The following LRRC31 variants were observed in gnomAD, a reference collection of about 807,000 sequenced individuals.
LRRC31 encodes leucine-rich repeat-containing protein 31.
LRRC31 carries 35 observed loss-of-function variants against 46.7 expected under a neutral mutation model. That is an observed-to-expected ratio of 0.75 (90% CI 0.57 to 0.99). The LOEUF is 0.99. Among genes scored for constraint, LRRC31 ranks in the 50% least tolerant of loss-of-function variants. LRRC31 has a pLI of 0.00. For synonymous variants in LRRC31, 236 were observed against 235.1 expected (o/e 1.00, Z -0.03); for missense variants, 613 against 626.1 (o/e 0.98, Z 0.22).
At chr3:169,857,317 C>CATATATATATATATAT (rs1560629829) in intron 3 of LRRC31, among the ~76,000 whole-genome samples, 10 of 55,586 alleles carry the variant, frequency 1.8e-4, no homozygotes, top group East Asian at 1.2e-3. Context: ...ATATCACATG[C>CATATATATATATATAT]CTATATATAT....
chr3:169,839,971 G>T lies in LRRC31; in HGVS notation c.*11C>A. On this transcript the variant is annotated 3_prime_UTR_variant, in exon 9 of 9. Transcript: ENST00000316428. The stretch of plus-strand genomic sequence containing the variant: ...AATGGTTTGTAGCTTAGTAGGACAT[G>T]GGAAATCAGTTTACTGAAACCCACC... The T allele has an allele frequency of 6.3e-7, 1 of 1,592,918 alleles. No individual in the cohort carries two copies.
chr3:169,857,102 T>C (rs1346181183), intron 3 of LRRC31, among the ~76,000 whole-genome samples: 1 of 151,844 alleles, frequency 6.6e-6, no homozygotes, highest in African/African-American at 2.4e-5. Context: ...TCTGAAGCCA[T>C]GCGTATGAGC....
At chr3:169,862,635 C>A (rs891591793) in intron 1 of LRRC31, among the ~76,000 whole-genome samples, 13 of 152,044 alleles carry the variant, frequency 8.6e-5, no homozygotes, top group African/African-American at 3.1e-4. Flanking sequence ...GTGGTGCACA[C>A]CTGTAGTCCC....
chr3:169,851,908 C>T, intron 6 of LRRC31, 122 bp from the exon 7 acceptor site: 1 of 950,674 alleles, frequency 1.1e-6, no homozygotes, highest in Non-Finnish European at 1.6e-6. Flanking sequence ...CCCGGCCCTC[C>T]CTCCTTTATA....
chr3:169,849,608 C>A (rs1458289840), intron 7 of LRRC31, among the ~76,000 whole-genome samples: 2 of 152,208 alleles, frequency 1.3e-5, no homozygotes, highest in African/African-American at 2.4e-5. Context: ...GAGTTCAAGG[C>A]TACAGTGAGC....
At chr3:169,842,299 A>G (rs1267798804) in intron 8 of LRRC31, among the ~76,000 whole-genome samples, 3 of 152,190 alleles carry the variant, frequency 2.0e-5, no homozygotes, top group Admixed American at 6.5e-5. Flanking sequence ...GAAAAAATAT[A>G]AAAGTGACAA....
rs892930824 is a variant in LRRC31, at chr3:169,852,905, G to A, written c.992-1119C>T. ...TTCCCTCACTAAAGGCAAGCTCTGC[G>A]TTATAGGAACTATCTCACTCCCAGA... On this transcript the variant is annotated intron_variant, in intron 6 of 8. Transcript: ENST00000316428. Among the ~76,000 whole-genome samples, 11 of 152,274 alleles carry A rather than the reference G, an allele frequency of 7.2e-5. 1 individual carries two copies. Among genetic ancestry groups the A allele is most frequent in the South Asian group, 4.1e-4 (2 of 4,832 alleles).
At chr3:169,858,857 T>A (rs1381367511) in intron 3 of LRRC31, among the ~76,000 whole-genome samples, 1 of 151,772 alleles carries the variant, frequency 6.6e-6, no homozygotes, top group Non-Finnish European at 1.5e-5. Flanking sequence ...TACAAAAAAA[T>A]TAGCCAGGCA....
intron 6 of LRRC31, among the ~76,000 whole-genome samples, chr3:169,852,641 C>G (rs1348837391): frequency 6.6e-6 from 1 of 152,082 alleles, no homozygotes; most frequent in African/African-American, 2.4e-5. Context: ...CCTGAGGGGC[C>G]CAGCTAGGAA....
At chr3:169,869,488 C>T (rs1251943690) in intron 1 of LRRC31, 145 bp downstream of exon 1, 2 of 531,760 alleles carry the variant, frequency 3.8e-6, no homozygotes, top group African/African-American at 2.0e-5. Context: ...TTAGGCATTG[C>T]ATGCCTGTAT....
At chr3:169,856,897 C>T (rs747489862) in intron 3 of LRRC31, 25 bp from the exon 4 acceptor site, 1 of 1,586,300 alleles carries the variant, frequency 6.3e-7, no homozygotes, top group Non-Finnish European at 8.6e-7. Flanking sequence ...CCCGAAAATT[C>T]TGTTGGTCAC....
At position 169,856,887 on chromosome 3, in the gene LRRC31, C is replaced by G. The variant is rs778645438; in HGVS notation, c.488-15G>C. On this transcript the variant is annotated splice_polypyrimidine_tract_variant and intron_variant, in intron 3 of 8. Transcript: ENST00000316428. ...AAATGCTTCTCCTGTTAACAAATGG[C>G]CCGAAAATTCTGTTGGTCACTAGTC... is the stretch of plus-strand genomic sequence containing the variant. 1.9e-6 allele frequency: 3 copies of G among 1,590,954 alleles called. No individual in the cohort carries two copies. The highest frequency in any genetic ancestry group is 2.6e-6 in the Non-Finnish European group (3 of 1,167,508).
At chr3:169,852,669 C>A (rs878925199) in intron 6 of LRRC31, among the ~76,000 whole-genome samples, 1 of 152,176 alleles carries the variant, frequency 6.6e-6, no homozygotes, top group Non-Finnish European at 1.5e-5. Flanking sequence ...CGTTCGCTAT[C>A]TTTTGGCTAC....
At chr3:169,860,485 C>G in intron 3 of LRRC31, 76 bp downstream of exon 3, 1 of 1,495,542 alleles carries the variant, frequency 6.7e-7, no homozygotes. Flanking sequence ...GCCTCAGCCT[C>G]CCAAAGTGTT....
At position 169,861,809 on chromosome 3, in the gene LRRC31, CT is replaced by C; in HGVS notation, c.179del (p.Lys60SerfsTer32). The stretch of plus-strand genomic sequence containing the variant: ...TCCATTCCATTTCTGAACTGAGAGG[CT>C]TAGCTGTGTGATAAGCATAAAAAAG... ...IQKTATSETA[K>X]PLSSEMEWRS... On this transcript the variant is annotated frameshift_variant, in exon 2 of 9. Coordinates refer to ENST00000316428, the MANE Select transcript of LRRC31 (RefSeq NM_024727.4). LOFTEE classifies it high-confidence loss of function. 6.2e-7 allele frequency: 1 copy of C among 1,613,194 alleles called. No homozygotes were observed. The highest frequency in any genetic ancestry group is 8.5e-7 in the Non-Finnish European group (1 of 1,179,684).
intron 8 of LRRC31, among the ~76,000 whole-genome samples, chr3:169,845,329 G>C (rs1780572056): frequency 6.6e-6 from 1 of 152,156 alleles, no homozygotes; most frequent in Non-Finnish European, 1.5e-5. Flanking sequence ...AAAATTTCCA[G>C]ATGGATTTTT....
chr3:169,862,249 A>G (rs1781189694), intron 1 of LRRC31, among the ~76,000 whole-genome samples: 1 of 152,168 alleles, frequency 6.6e-6, no homozygotes, highest in African/African-American at 2.4e-5. Context: ...AATCACCATC[A>G]AGGAGCTGCA....
In LRRC31 at chr3:169,848,355, A is replaced by G. The variant is rs1780665853; in HGVS notation, c.1160-68T>C. On this transcript the variant is annotated intron_variant, in intron 7 of 8. Coordinates refer to ENST00000316428, the MANE Select transcript of LRRC31 (RefSeq NM_024727.4). ...TTACAGATCATAGGCTTTGGATTTG[A>G]GGAAACTGGTCTAGGACAACACATG... 1.2e-5 allele frequency: 18 copies of G among 1,459,736 alleles called. 1 individual carries two copies. The South Asian group carries it at 2.1e-4, about 17-fold the overall frequency. The allele number at this position is 1,459,736 out of a possible 1,614,324, so 90.4% of individuals were successfully genotyped here. A position where few individuals can be genotyped will look rare whatever the true frequency, so the allele number is the denominator to read the frequency against.
Position 169,866,975 on chromosome 3 carries a change from G to C in LRRC31, c.175+2658C>G, listed in dbSNP as rs533354605. Among the ~76,000 whole-genome samples, 11 of 143,080 alleles carry C rather than the reference G, an allele frequency of 7.7e-5. No homozygotes were observed. The South Asian group carries it at 2.2e-3, about 28-fold the overall frequency. The allele number at this position is 143,080 out of a possible 152,430, so 93.9% of individuals were successfully genotyped here. A position where few individuals can be genotyped will look rare whatever the true frequency, so the allele number is the denominator to read the frequency against. On this transcript the variant is annotated intron_variant, in intron 1 of 8. Coordinates refer to ENST00000316428, the MANE Select transcript of LRRC31 (RefSeq NM_024727.4). ...AAACTCTGTCTCAAAAAGAAAGAAA[G>C]AAACAAAATCGGCCATGGGTTGATT... is the stretch of plus-strand genomic sequence containing the variant.
Sources: gnomAD v4.1 joint callset for allele counts (sites outside exome capture counted in the v4.1 genomes callset) on GRCh38, gnomAD v4.1.1 for gene constraint, MANE v1.5 for transcripts, NCBI Gene and HGNC (gene_info 2026-07-23, HGNC 2026-07-21) for gene names.